Variants in ASAP1 observed in about 807,000 individuals in gnomAD.
The protein encoded by ASAP1 is arf-GAP with SH3 domain, ANK repeat and PH domain-containing protein 1.
ASAP1 carries 43 observed loss-of-function variants against 145.2 expected under a neutral mutation model. The observed-to-expected ratio is 0.30, with a 90% CI of 0.23 to 0.38. ASAP1 has a LOEUF of 0.38. Ranked by LOEUF, ASAP1 falls within the 10% of genes least tolerant of loss-of-function variation. The probability of loss-of-function intolerance (pLI) is 1.00; values close to 1 mark genes in which losing one functional copy is unlikely to be tolerated. For missense variants in ASAP1, 1,018 were observed against 1,355.3 expected (o/e 0.75, Z 3.91); for synonymous variants, 546 against 515.5 (o/e 1.06, Z -0.80).
At chr8:130,168,947 T>C (rs752453093) in intron 10 of ASAP1, 45 bp downstream of exon 10, 4 of 1,151,028 alleles carry the variant, frequency 3.5e-6, no homozygotes, top group East Asian at 2.4e-5. Flanking sequence ...CTGAAACTTA[T>C]CCATGAAAGC....
intron 2 of ASAP1, chr8:130,361,614 A>T: frequency 3.1e-6 from 4 of 1,280,320 alleles, no homozygotes; most frequent in Non-Finnish European, 4.4e-6. Flanking sequence ...TGGTAAGTAT[A>T]TACCTCCTCA....
At chr8:130,322,947 A>G (rs1040968076) in intron 3 of ASAP1, among the ~76,000 whole-genome samples, 8 of 152,226 alleles carry the variant, frequency 5.3e-5, no homozygotes, top group Non-Finnish European at 1.2e-4. Flanking sequence ...AAACACCCAT[A>G]GGACCAGTTC....
intron 27 of ASAP1, among the ~76,000 whole-genome samples, chr8:130,066,378 A>C (rs1289476259): frequency 1.3e-5 from 2 of 152,038 alleles, no homozygotes; most frequent in Non-Finnish European, 2.9e-5. Flanking sequence ...GGTGGTGTTA[A>C]TTTTACTAAT....
rs556803766 is a variant in ASAP1, at chr8:130,095,852, C to T, written c.2402-3709G>A. 3.9e-5 allele frequency among the ~76,000 whole-genome samples: 6 copies of T among 152,246 alleles called. 1 individual carries two copies. Among genetic ancestry groups the T allele is most frequent in the African/African-American group, 1.4e-4 (6 of 41,558 alleles). ...CAGGCTGGTCTTGAACTCCTGACCTCAGGTGATCCACCCACCTCAGACTCC... is the reference window on the plus strand; with the variant it reads ...CAGGCTGGTCTTGAACTCCTGACCTTAGGTGATCCACCCACCTCAGACTCC... On this transcript the variant is annotated intron_variant, in intron 24 of 29. Coordinates refer to ENST00000518721, the MANE Select transcript of ASAP1 (RefSeq NM_018482.4).
chr8:130,136,060 G>A (rs2135811413), intron 14 of ASAP1, among the ~76,000 whole-genome samples: 1 of 152,344 alleles, frequency 6.6e-6, no homozygotes. Flanking sequence ...GCTGGGCTGT[G>A]ATAGAGAAGG....
At chr8:130,160,741 C>A (rs948949769) in intron 11 of ASAP1, 1 of 1,206,722 alleles carries the variant, frequency 8.3e-7, no homozygotes. Flanking sequence ...GGTCTTTAGA[C>A]ATACAAGTAG....
chr8:130,073,712 C>T (rs888031902), intron 27 of ASAP1, among the ~76,000 whole-genome samples: 3 of 152,126 alleles, frequency 2.0e-5, no homozygotes, highest in East Asian at 1.9e-4. Flanking sequence ...GCTGGCCCAT[C>T]GGCTTGCAGA....
intron 3 of ASAP1, among the ~76,000 whole-genome samples, chr8:130,326,485 C>G (rs1197811928): frequency 6.6e-6 from 1 of 152,230 alleles, no homozygotes; most frequent in Non-Finnish European, 1.5e-5. Context: ...ATACACACCA[C>G]GAACAGACTG....
chr8:130,401,779 T>G, intron 2 of ASAP1, 106 bp downstream of exon 2: 2 of 1,019,682 alleles, frequency 2.0e-6, no homozygotes, highest in South Asian at 1.5e-5. Flanking sequence ...TCTGTTAGAT[T>G]CCAGTGCTTG....
intron 3 of ASAP1, among the ~76,000 whole-genome samples, chr8:130,354,495 C>T (rs1051423803): frequency 6.6e-6 from 1 of 152,170 alleles, no homozygotes; most frequent in Non-Finnish European, 1.5e-5. Flanking sequence ...CTCTCTCTGA[C>T]AAAGGTACTA....
chr8:130,068,217 T>G (rs539748275), intron 27 of ASAP1, among the ~76,000 whole-genome samples: 4 of 152,200 alleles, frequency 2.6e-5, no homozygotes, highest in Non-Finnish European at 5.9e-5. Context: ...TGGTTATTGT[T>G]GTCTATAATG....
chr8:130,235,757 CAAGA>C (rs1054856634), intron 4 of ASAP1, among the ~76,000 whole-genome samples: 2 of 152,058 alleles, frequency 1.3e-5, no homozygotes, highest in African/African-American at 4.8e-5. Flanking sequence ...GTTTAAAAAA[CAAGA>C]GAATATTAGG....
At chr8:130,322,166 A>G (rs1041799851) in intron 3 of ASAP1, among the ~76,000 whole-genome samples, 9 of 152,228 alleles carry the variant, frequency 5.9e-5, no homozygotes, top group Non-Finnish European at 1.3e-4. Context: ...GCAAAATTTA[A>G]AAGTCAATAA....
chr8:130,366,768 T>C (rs899999359), intron 2 of ASAP1, among the ~76,000 whole-genome samples: 11 of 152,126 alleles, frequency 7.2e-5, no homozygotes, highest in African/African-American at 2.4e-4. Context: ...TGTGGTAAGA[T>C]TGAAATGAGA....
At chr8:130,410,996 G>C (rs1829242699) in intron 1 of ASAP1, among the ~76,000 whole-genome samples, 1 of 152,200 alleles carries the variant, frequency 6.6e-6, no homozygotes, top group South Asian at 2.1e-4. Context: ...AAGTAGCTGG[G>C]ATTACAGGCA....
chr8:130,396,989 G>A (rs77738585), intron 2 of ASAP1, among the ~76,000 whole-genome samples: 14,912 of 152,128 alleles, frequency 0.098, 969 homozygotes, highest in South Asian at 0.27. Context: ...CATGTGCTGC[G>A]CTCCTGTCTC....
intron 5 of ASAP1, among the ~76,000 whole-genome samples, chr8:130,194,157 T>C (rs1443913833): frequency 6.6e-6 from 1 of 152,184 alleles, no homozygotes; most frequent in African/African-American, 2.4e-5. Flanking sequence ...TCCCAGTGAC[T>C]AGTCAATGAA....
chr8:130,109,427 C>A (rs1006923120), intron 24 of ASAP1, among the ~76,000 whole-genome samples: 1 of 152,090 alleles, frequency 6.6e-6, no homozygotes, highest in African/African-American at 2.4e-5. Context: ...AATTCTTTCT[C>A]CTCTTCGCTT....
intron 2 of ASAP1, among the ~76,000 whole-genome samples, chr8:130,385,952 T>C (rs985199366): frequency 5.3e-5 from 8 of 152,180 alleles, no homozygotes; most frequent in African/African-American, 1.9e-4. Context: ...TCAGGTGACA[T>C]GGGCTTGTCC....
Sources: gnomAD v4.1 joint callset for allele counts (sites outside exome capture counted in the v4.1 genomes callset) on GRCh38, gnomAD v4.1.1 for gene constraint, MANE v1.5 for transcripts, NCBI Gene and HGNC (gene_info 2026-07-23, HGNC 2026-07-21) for gene names.